The following SGCZ variants were observed in gnomAD, a reference collection of about 807,000 sequenced individuals.
The protein encoded by SGCZ is zeta-sarcoglycan.
Under a neutral mutation model 41.3 loss-of-function variants are expected in SGCZ, and 40 were observed. The ratio of observed to expected loss-of-function variants is 0.97; its 90% CI spans 0.75 to 1.26. The LOEUF (loss-of-function observed/expected upper bound fraction) is 1.26, where lower values mean the gene tolerates loss of function less well. Ranked by LOEUF, SGCZ falls within the 50% of genes most tolerant of loss-of-function variation. SGCZ has a pLI of 0.00. For synonymous variants in SGCZ, 206 were observed against 137.5 expected (o/e 1.50, Z -3.49); for missense variants, 552 against 369.8 (o/e 1.49, Z -4.04).
intron 2 of SGCZ, among the ~76,000 whole-genome samples, chr8:14,443,683 C>T (rs1203294284): frequency 1.3e-5 from 2 of 152,086 alleles, no homozygotes; most frequent in African/African-American, 4.8e-5. Context: ...AAGACTGAAA[C>T]GTTAGACCTA....
At chr8:15,030,840 A>C (rs567158252) in intron 1 of SGCZ, among the ~76,000 whole-genome samples, 1 of 152,196 alleles carries the variant, frequency 6.6e-6, no homozygotes, top group Non-Finnish European at 1.5e-5. Context: ...AAGAAGGGCT[A>C]TTTGAGGCAA....
chr8:14,336,756 G>T (rs1329317400), intron 2 of SGCZ, among the ~76,000 whole-genome samples: 1 of 152,048 alleles, frequency 6.6e-6, no homozygotes, highest in Admixed American at 6.6e-5. Context: ...GGATTTCACA[G>T]GTATCCCAAA....
chr8:15,206,814 G>A (rs1046286125), intron 1 of SGCZ, among the ~76,000 whole-genome samples: 2 of 151,854 alleles, frequency 1.3e-5, no homozygotes, highest in African/African-American at 4.8e-5. Context: ...CTAAGATTTC[G>A]TTCATAATGG....
chr8:14,218,869 A>G (rs556419456), intron 4 of SGCZ, among the ~76,000 whole-genome samples: 1 of 152,252 alleles, frequency 6.6e-6, no homozygotes, highest in South Asian at 2.1e-4. Flanking sequence ...GGCGATGAGG[A>G]CTTTGGAGGC....
At chr8:14,821,787 C>T (rs1396297637) in intron 1 of SGCZ, among the ~76,000 whole-genome samples, 2 of 151,840 alleles carry the variant, frequency 1.3e-5, no homozygotes, top group Non-Finnish European at 2.9e-5. Flanking sequence ...AAAAAATTAT[C>T]AACAAATTAG....
At chr8:14,600,386 G>C (rs189256677) in intron 1 of SGCZ, among the ~76,000 whole-genome samples, 2 of 152,022 alleles carry the variant, frequency 1.3e-5, no homozygotes, top group African/African-American at 2.4e-5. Context: ...ATCTCTACTT[G>C]GATGAGTTGT....
intron 1 of SGCZ, among the ~76,000 whole-genome samples, chr8:14,984,171 G>C (rs1801757382): frequency 6.6e-6 from 1 of 152,094 alleles, no homozygotes; most frequent in Non-Finnish European, 1.5e-5. Context: ...TATCAACCCA[G>C]AGCCACTACT....
intron 1 of SGCZ, among the ~76,000 whole-genome samples, chr8:14,888,542 A>G (rs1804895525): frequency 6.6e-6 from 1 of 152,210 alleles, no homozygotes; most frequent in South Asian, 2.1e-4. Context: ...AGCAAGAAAC[A>G]ATGTAAGTCC....
chr8:15,180,013 GCACATTTTTA>G (rs1563168718), intron 1 of SGCZ, among the ~76,000 whole-genome samples: 3 of 152,074 alleles, frequency 2.0e-5, no homozygotes, highest in African/African-American at 7.2e-5. Context: ...ACTATTATAT[GCACATTTTTA>G]CTATGTGTTA....
At chr8:14,108,513 A>G (rs575347268) in intron 5 of SGCZ, among the ~76,000 whole-genome samples, 3 of 152,294 alleles carry the variant, frequency 2.0e-5, no homozygotes, top group African/African-American at 7.2e-5. Context: ...GAGAAAAATG[A>G]GGAAGACGCA....
chr8:14,370,477 C>T (rs1481969608), intron 2 of SGCZ, among the ~76,000 whole-genome samples: 1 of 151,822 alleles, frequency 6.6e-6, no homozygotes, highest in African/African-American at 2.4e-5. Context: ...ATTGACTAAA[C>T]TCTAAATATG....
chr8:14,682,142 C>G (rs1359819832), intron 1 of SGCZ, among the ~76,000 whole-genome samples: 1 of 151,826 alleles, frequency 6.6e-6, no homozygotes, highest in African/African-American at 2.4e-5. Flanking sequence ...ATGGCAAAGG[C>G]TGGAAAGGTT....
At chr8:14,407,567 G>A (rs1041492578) in intron 2 of SGCZ, among the ~76,000 whole-genome samples, 2 of 151,998 alleles carry the variant, frequency 1.3e-5, no homozygotes, top group African/African-American at 4.8e-5. Context: ...ATAAATCAAA[G>A]AGGCATTCCA....
chr8:14,521,887 T>C (rs1019064362), intron 2 of SGCZ, among the ~76,000 whole-genome samples: 3 of 152,118 alleles, frequency 2.0e-5, no homozygotes, highest in African/African-American at 4.8e-5. Context: ...TAATGCTAGC[T>C]GTAAGTTTGC....
At chr8:14,587,211 GATA>G (rs1319425257) in intron 1 of SGCZ, among the ~76,000 whole-genome samples, 2 of 151,790 alleles carry the variant, frequency 1.3e-5, no homozygotes, top group African/African-American at 2.4e-5. Context: ...ATTGCTAAAT[GATA>G]ATAAAGTTTC....
intron 3 of SGCZ, among the ~76,000 whole-genome samples, chr8:14,286,517 G>A (rs1001407890): frequency 5.9e-5 from 9 of 152,074 alleles, no homozygotes; most frequent in Admixed American, 4.6e-4. Flanking sequence ...TTCTGAGGTT[G>A]TACCCGAGTT....
Position 15,206,199 on chromosome 8 carries a change from C to T in SGCZ, c.39+31386G>A, listed in dbSNP as rs545115764. On this transcript the variant is annotated intron_variant, in intron 1 of 7. Coordinates refer to ENST00000382080, the MANE Select transcript of SGCZ (RefSeq NM_139167.4). The stretch of plus-strand genomic sequence containing the variant: ...CCTAAAATAAAAGTTTAAAACATAC[C>T]ATCCTAGTTTATGGAAACAAAAACT... 1.7e-4 allele frequency among the ~76,000 whole-genome samples: 26 copies of T among 152,148 alleles called. No individual in the cohort carries two copies. In the South Asian group the frequency reaches 5.4e-3, roughly 32 times the overall value.
At chr8:14,157,357 T>TGA (rs1554469412) in intron 5 of SGCZ, among the ~76,000 whole-genome samples, 2 of 142,516 alleles carry the variant, frequency 1.4e-5, no homozygotes, top group South Asian at 2.2e-4. Flanking sequence ...TGTGTGTGTG[T>TGA]GTGTGTGAGT....
At chr8:14,622,982 AAAG>A (rs879551158) in intron 1 of SGCZ, among the ~76,000 whole-genome samples, 3 of 152,184 alleles carry the variant, frequency 2.0e-5, no homozygotes, top group African/African-American at 4.8e-5. Context: ...AGCAGAGATG[AAAG>A]AACATGTCTG....
Sources: gnomAD v4.1 joint callset for allele counts (sites outside exome capture counted in the v4.1 genomes callset) on GRCh38, gnomAD v4.1.1 for gene constraint, MANE v1.5 for transcripts, NCBI Gene and HGNC (gene_info 2026-07-23, HGNC 2026-07-21) for gene names.